PCDHA5: variants seen among roughly 807,000 people sequenced by gnomAD.
PCDHA5 encodes protocadherin alpha 5, also known as protocadherin alpha-5.
A neutral mutation model predicts 61.6 loss-of-function variants in PCDHA5; 43 were observed. The ratio of observed to expected loss-of-function variants is 0.70; its 90% confidence interval spans 0.55 to 0.90. The LOEUF is 0.90. Among genes scored for constraint, PCDHA5 ranks in the 40% least tolerant of loss-of-function variants. The pLI, the probability that PCDHA5 is intolerant of heterozygous loss-of-function variation, is 0.00. For synonymous variants in PCDHA5, 627 were observed against 543.9 expected (o/e 1.15, Z -2.13); for missense variants, 1,298 against 1,222.7 (o/e 1.06, Z -0.92).
rs574140858 is a variant in PCDHA5 at position 140,929,782 on chromosome 5, A to C, written c.2353-49167A>C. On this transcript the variant is annotated intron_variant, in intron 1 of 3. Coordinates refer to ENST00000529859, the MANE Select transcript of PCDHA5 (RefSeq NM_018908.3). The stretch of plus-strand genomic sequence containing the variant: ...GACGATAACCACAAAAGATGTAAAA[A>C]TAAATTACAATGGGGGTTAAAAGAA... The C allele has an allele frequency of 1.8e-5, 3 of 168,346 alleles. No individual in the cohort carries two copies. The Admixed American group carries it at 1.9e-4, about 11-fold the overall frequency. 10.4% of individuals were successfully genotyped at this position (168,346 alleles called of 1,614,324 possible). A position where few individuals can be genotyped will look rare whatever the true frequency, so the allele number is the denominator to read the frequency against.
intron 1 of PCDHA5, chr5:140,884,540 G>A (rs782638313): frequency 1.9e-6 from 3 of 1,613,998 alleles, no homozygotes; most frequent in South Asian, 2.2e-5. Flanking sequence ...GCGGCCGAGG[G>A]TGTGCTCTGG....
rs2150150437 is a variant in PCDHA5, at chr5:140,828,053, G to A, written c.2352+3926G>A. ...ACATACAGTATTTTATCTTTATGCG[G>A]AAGATCTTCTAATGGAAATAAAACC... On this transcript the variant is annotated intron_variant, in intron 1 of 3. Transcript: ENST00000529859. 4,837 of 1,547,680 alleles carry A rather than the reference G, an allele frequency of 3.1e-3. 12 individuals are homozygous for A. The highest frequency in any genetic ancestry group is 4.7e-3 in the Admixed American group (229 of 48,892).
At chr5:140,929,376 G>C in intron 1 of PCDHA5, 1 of 1,513,958 alleles carries the variant, frequency 6.6e-7, no homozygotes, top group Non-Finnish European at 8.8e-7. Flanking sequence ...ATGGCTGCTA[G>C]CTGTGTTTTG....
intron 1 of PCDHA5, among the ~76,000 whole-genome samples, chr5:140,897,278 A>C (rs993702418): frequency 1.1e-4 from 16 of 151,088 alleles, no homozygotes; most frequent in Non-Finnish European, 1.8e-4. Context: ...GGTGTGCTGC[A>C]CCCATTAACT....
At chr5:140,892,349 T>C (rs1266203354) in intron 1 of PCDHA5, among the ~76,000 whole-genome samples, 2 of 152,248 alleles carry the variant, frequency 1.3e-5, no homozygotes, top group Admixed American at 6.5e-5. Context: ...TAATTGACTT[T>C]TGCCAGGCAT....
Position 140,824,018 on chromosome 5 carries a change from C to G in PCDHA5, c.2243C>G (p.Ser748Trp), listed in dbSNP as rs2150131575. ...LLCSSAVGSW[S>W]YSQQRRQRVC... ...TGCTCCAGCGCGGTGGGGAGCTGGT[C>G]GTACTCGCAGCAGAGGAGACAGAGG... Residue 748 changes from serine (S) to tryptophan (W), a missense_variant, in exon 1 of 4, where the codon TCG becomes TGG. Transcript: ENST00000529859. The G allele has an allele frequency of 2.5e-6, 4 of 1,614,112 alleles. No homozygotes were observed. In the South Asian group the frequency reaches 3.3e-5, roughly 13 times the overall value.
chr5:140,850,291 C>G (rs2150477990), intron 1 of PCDHA5: 2 of 1,595,974 alleles, frequency 1.3e-6, no homozygotes, highest in South Asian at 2.2e-5. Flanking sequence ...GCAGTGGACG[C>G]CGACTCGGGC....
intron 3 of PCDHA5, among the ~76,000 whole-genome samples, chr5:141,000,419 ATATTTTT>A (rs1397100244): frequency 3.9e-4 from 24 of 60,984 alleles, no homozygotes; most frequent in African/African-American, 1.8e-3. Flanking sequence ...ATATATATAT[ATATTTTT>A]TTTTTTTTTT....
At chr5:140,922,791 T>A (rs1454046146) in intron 1 of PCDHA5, among the ~76,000 whole-genome samples, 1 of 152,078 alleles carries the variant, frequency 6.6e-6, no homozygotes, top group Non-Finnish European at 1.5e-5. Flanking sequence ...AAACTGTAGC[T>A]TTGGAATACA....
At chr5:140,853,141 A>G in intron 1 of PCDHA5, 1 of 767,574 alleles carries the variant, frequency 1.3e-6, no homozygotes, top group Non-Finnish European at 1.6e-6. Flanking sequence ...AGCCTCCCAA[A>G]ATGCTGGGAT....
chr5:140,979,306 C>T (rs1554240481), intron 2 of PCDHA5, among the ~76,000 whole-genome samples: 1 of 152,206 alleles, frequency 6.6e-6, no homozygotes, highest in African/African-American at 2.4e-5. Context: ...CTTCATCCCT[C>T]TCTACCTATG....
chr5:140,884,555 G>C, intron 1 of PCDHA5: 1 of 1,614,098 alleles, frequency 6.2e-7, no homozygotes, highest in Non-Finnish European at 8.5e-7. Context: ...CTCTGGGGAG[G>C]GCCCGCATAA....
chr5:140,830,263 G>C (rs2150183711), intron 1 of PCDHA5: 3 of 1,613,640 alleles, frequency 1.9e-6, no homozygotes, highest in Non-Finnish European at 2.5e-6. Context: ...TGCGGTGCTC[G>C]GCGCCACCCA....
intron 1 of PCDHA5, among the ~76,000 whole-genome samples, chr5:140,950,045 A>G (rs1293026782): frequency 1.3e-5 from 2 of 151,934 alleles, no homozygotes; most frequent in Non-Finnish European, 2.9e-5. Context: ...ACAACCATAT[A>G]AGACTATTTA....
chr5:140,866,385 A>G (rs1211864168), intron 1 of PCDHA5: 3 of 152,140 alleles, frequency 2.0e-5, no homozygotes, highest in Non-Finnish European at 2.9e-5. Flanking sequence ...ACAATTTTAA[A>G]GACATAGATT....
chr5:140,991,707 A>G (rs1436655429), intron 3 of PCDHA5, among the ~76,000 whole-genome samples: 1 of 152,158 alleles, frequency 6.6e-6, no homozygotes, highest in Non-Finnish European at 1.5e-5. Flanking sequence ...TAATATGCAT[A>G]TTGCTACTAG....
intron 1 of PCDHA5, chr5:140,843,655 T>C: frequency 6.3e-7 from 1 of 1,594,836 alleles, no homozygotes; most frequent in Non-Finnish European, 8.6e-7. Context: ...GCCTTCCTCC[T>C]GATCTGGGAT....
At chr5:140,855,797 T>C in intron 1 of PCDHA5, 1 of 465,668 alleles carries the variant, frequency 2.1e-6, no homozygotes, top group South Asian at 4.0e-5. Context: ...AATTAACATA[T>C]GAATGAAAGA....
At chr5:140,858,085 G>A (rs782551513) in intron 1 of PCDHA5, 1 of 1,597,828 alleles carries the variant, frequency 6.3e-7, no homozygotes, top group Non-Finnish European at 8.6e-7. Context: ...AGGCCTCGTC[G>A]CGGGCTTCAG....
Sources: gnomAD v4.1 joint callset for allele counts (sites outside exome capture counted in the v4.1 genomes callset) on GRCh38, gnomAD v4.1.1 for gene constraint, MANE v1.5 for transcripts, NCBI Gene and HGNC (gene_info 2026-07-23, HGNC 2026-07-21) for gene names.